The following DNAH2 variants were observed in gnomAD, a reference collection of about 807,000 sequenced individuals.
DNAH2 encodes the protein axonemal beta dynein heavy chain 2.
In DNAH2, 323 loss-of-function variants were observed where a neutral mutation model predicts 523.5. The ratio of observed to expected loss-of-function variants is 0.62; its 90% CI spans 0.56 to 0.68. The LOEUF (loss-of-function observed/expected upper bound fraction) is 0.68. DNAH2 is among the 30% of genes least tolerant of loss of function. DNAH2 has a pLI of 0.00. For synonymous variants in DNAH2, 2,093 were observed against 2,177.4 expected, an observed-to-expected ratio of 0.96 and a Z score of 1.08; for missense variants, 4,907 against 5,701.5, an observed-to-expected ratio of 0.86 and a Z score of 4.49.
intron 63 of DNAH2, among the ~76,000 whole-genome samples, chr17:7,815,063 G>C (rs1180508495): frequency 6.6e-6 from 1 of 152,218 alleles, no homozygotes; most frequent in Non-Finnish European, 1.5e-5. Flanking sequence ...TGATCTGCCT[G>C]CCTTGGCTTC....
chr17:7,726,358 C>T (rs1260534088), intron 3 of DNAH2, among the ~76,000 whole-genome samples: 1 of 150,150 alleles, frequency 6.7e-6, no homozygotes, highest in African/African-American at 2.5e-5. Context: ...GGCTGGAGTG[C>T]AGGGGTGTGA....
At chr17:7,742,245 C>G (rs2075374831) in intron 11 of DNAH2, among the ~76,000 whole-genome samples, 1 of 152,020 alleles carries the variant, frequency 6.6e-6, no homozygotes, top group Non-Finnish European at 1.5e-5. Context: ...GTTTGGCCAA[C>G]ATGGTGAGAC....
At chr17:7,791,232 G>C (rs9905069) in intron 44 of DNAH2, among the ~76,000 whole-genome samples, 7,217 of 151,788 alleles carry the variant, frequency 0.048, 184 homozygotes, top group Non-Finnish European at 0.056. Flanking sequence ...CACCACACCC[G>C]GCTAATTTTT....
Position 7,760,703 on chromosome 17 carries a change from G to A in DNAH2, c.2786-37G>A, listed in dbSNP as rs1348644006. 2 of 1,588,110 alleles carry A rather than the reference G, an allele frequency of 1.3e-6. No homozygotes were observed. Among genetic ancestry groups the A allele is most frequent in the South Asian group, 1.2e-5 (1 of 86,920 alleles). On this transcript the variant is annotated intron_variant, in intron 17 of 85. Coordinates refer to ENST00000572933, the MANE Select transcript of DNAH2 (RefSeq NM_020877.5). This position sits in a 1 kb window ranked among gnomAD's most constrained non-coding sequence, Gnocchi z 4.0. ...CTCAGGCAGAAGTTGGGTTGGGGTG[G>A]AAGTCAGTGAGAAGCATCTTTCTTG...
At chr17:7,824,365 C>T in intron 76 of DNAH2, 61 bp downstream of exon 76, 2 of 1,482,450 alleles carry the variant, frequency 1.3e-6, no homozygotes, top group Admixed American at 4.9e-5. Context: ...CTAGAACCTC[C>T]AACCTCAATT....
At chr17:7,822,451 C>G (rs1004819065) in intron 73 of DNAH2, among the ~76,000 whole-genome samples, 1 of 152,148 alleles carries the variant, frequency 6.6e-6, no homozygotes, top group Non-Finnish European at 1.5e-5. Context: ...GCCTACTCCC[C>G]GGCGTGTGCA....
rs2077236611 is a variant in DNAH2, at chr17:7,801,982, C to A, written c.8937C>A (p.Pro2979=). 1 of 1,614,112 alleles carries A rather than the reference C, an allele frequency of 6.2e-7. No homozygotes were observed. The highest frequency in any genetic ancestry group is 1.3e-5 in the African/African-American group (1 of 74,940). Reference sequence around the variant, plus strand: ...TGCGGAGACACAACTATGTCACACCCACCAAATACCTGGAACTCCTGTCTG... The same window carrying A: ...TGCGGAGACACAACTATGTCACACCAACCAAATACCTGGAACTCCTGTCTG... ...LELRRHNYVT[P]TKYLELLSGY... is the part of the protein sequence containing the mutation. Residue 2979 remains proline (P), a synonymous_variant, in exon 58 of 86, where the codon CCC becomes CCA. Transcript: ENST00000572933.
Position 7,798,470 on chromosome 17 carries a change from C to T in DNAH2, c.8399-88C>T, listed in dbSNP as rs1248421370. The T allele has an allele frequency of 1.1e-5, 17 of 1,561,916 alleles. No individual in the cohort carries two copies. Among genetic ancestry groups the T allele is most frequent in the South Asian group, 3.6e-5 (3 of 83,702 alleles). On this transcript the variant is annotated intron_variant, in intron 54 of 85. Coordinates refer to ENST00000572933, the MANE Select transcript of DNAH2 (RefSeq NM_020877.5). The surrounding 1 kb of genome is among the most constrained non-coding windows in gnomAD (Gnocchi z 5.5). ...ATGGTGTCGCGTGTATGCTGCGGGG[C>T]GGGGAGGGTTCCTAAATCTCAGAAA...
Position 7,754,986 on chromosome 17 carries a change from A to G in DNAH2, c.1905-2105A>G. The G allele has an allele frequency of 2.4e-6, 1 of 411,096 alleles. No homozygotes were observed. The highest frequency in any genetic ancestry group is 4.3e-6 in the Non-Finnish European group (1 of 232,068). 25.5% of individuals were successfully genotyped at this position (411,096 alleles called of 1,614,324 possible). ...AGGCAGAAAAAAAAAAAAAAAGAATAGGCAGCCCAGGAAGAAGGGTTAGCC... is the reference window on the plus strand; with the variant it reads ...AGGCAGAAAAAAAAAAAAAAAGAATGGGCAGCCCAGGAAGAAGGGTTAGCC... On this transcript the variant is annotated intron_variant, in intron 12 of 85. Coordinates refer to ENST00000572933, the MANE Select transcript of DNAH2 (RefSeq NM_020877.5). This position sits in a 1 kb window ranked among gnomAD's most constrained non-coding sequence, Gnocchi z 4.6.
rs755317955 is a variant in DNAH2 at position 7,776,776 on chromosome 17, C to T, written c.4948-3C>T. On this transcript the variant is annotated splice_region_variant and splice_polypyrimidine_tract_variant and intron_variant, in intron 31 of 85. Coordinates refer to ENST00000572933, the MANE Select transcript of DNAH2 (RefSeq NM_020877.5). ...TTGGGACGTGGCTTCTGCACATCCC[C>T]AGGTGGTGATCACTGCCAGTCAGAT... is the stretch of plus-strand genomic sequence containing the variant. The T allele has an allele frequency of 6.2e-7, 1 of 1,611,182 alleles. No individual in the cohort carries two copies. The highest frequency in any genetic ancestry group is 8.5e-7 in the Non-Finnish European group (1 of 1,178,070).
In DNAH2 at chr17:7,745,305, A is replaced by G. The variant is rs567983625; in HGVS notation, c.1904+2163A>G. On this transcript the variant is annotated intron_variant, in intron 12 of 85. Transcript: ENST00000572933. ...CCACTGTGTCTGGCCAAGTATTTAC[A>G]TTTCAAATATGAGAGAAAACAAAAG... Among the ~76,000 whole-genome samples, 4 of 152,234 alleles carry G rather than the reference A, an allele frequency of 2.6e-5. No individual in the cohort carries two copies. The East Asian group carries it at 5.8e-4, about 22-fold the overall frequency.
At chr17:7,778,002 C>G in intron 33 of DNAH2, 75 bp from the exon 34 acceptor site, 1 of 1,345,588 alleles carries the variant, frequency 7.4e-7, no homozygotes. Flanking sequence ...CTCTGAGCCC[C>G]ACTCTCAGTC....
At position 7,807,309 on chromosome 17, in the gene DNAH2, G is replaced by C. The variant is rs752557370; in HGVS notation, c.9602G>C (p.Arg3201Pro). 8.1e-6 allele frequency: 13 copies of C among 1,612,912 alleles called. No individual in the cohort carries two copies. The highest frequency in any genetic ancestry group is 1.1e-5 in the Non-Finnish European group (13 of 1,179,846). Residue 3201 changes from arginine (R) to proline (P), a missense_variant, in exon 62 of 86, where the codon CGG (arginine) becomes CCG (proline). By Grantham distance (103) the Arg-to-Pro change is moderately radical. Coordinates refer to ENST00000572933, the MANE Select transcript of DNAH2 (RefSeq NM_020877.5). This position sits in a 1 kb window ranked among gnomAD's most constrained non-coding sequence, Gnocchi z 5.6. ...GCCAAGTCCCTCTGCATGTGGGTGC[G>C]GGCCATGGAGGTAAAGGCGTCAGGG... Reference protein sequence around the residue: ...LAAKSLCMWVRAMELYGRLYR... With the variant: ...LAAKSLCMWVPAMELYGRLYR...
chr17:7,810,738 C>T (rs944840182), intron 63 of DNAH2, among the ~76,000 whole-genome samples: 2 of 152,162 alleles, frequency 1.3e-5, no homozygotes, highest in Non-Finnish European at 2.9e-5. Context: ...GTGCCCTGGG[C>T]CCTGCCAGGC....
chr17:7,756,414 T>C (rs1178082740), intron 12 of DNAH2, among the ~76,000 whole-genome samples: 1 of 151,782 alleles, frequency 6.6e-6, no homozygotes, highest in Non-Finnish European at 1.5e-5. Flanking sequence ...TAGCTGGGAC[T>C]ATAGGCTCAC....
At chr17:7,794,472 A>G (rs2077009574) in intron 49 of DNAH2, 114 bp downstream of exon 49, 3 of 884,106 alleles carry the variant, frequency 3.4e-6, no homozygotes, top group South Asian at 1.8e-5. Flanking sequence ...GTGGAGCTCC[A>G]CGCAGGACGC....
At chr17:7,794,229 T>G in intron 48 of DNAH2, 25 bp from the exon 49 acceptor site, 1 of 1,572,960 alleles carries the variant, frequency 6.4e-7, no homozygotes, top group Non-Finnish European at 8.7e-7. Flanking sequence ...CCTGCCTGTC[T>G]GCCCTCCTTG....
intron 11 of DNAH2, 88 bp from the exon 12 acceptor site, chr17:7,742,840 A>C (rs1468631868): frequency 4.1e-4 from 348 of 841,334 alleles, no homozygotes; most frequent in Middle Eastern, 7.5e-4. Context: ...GTATGTGCGC[A>C]TGCGCGCATG....
chr17:7,757,101 A>G lies in DNAH2; in HGVS notation c.1915A>G (p.Ile639Val). Residue 639 changes from isoleucine (I) to valine (V), a missense_variant, in exon 13 of 86, where the codon ATT becomes GTT. By Grantham distance (29) the Ile-to-Val change is conservative. Coordinates refer to ENST00000572933, the MANE Select transcript of DNAH2 (RefSeq NM_020877.5). ...LDVNFDKSLLILFAEIDYWER... is the reference protein window; with the variant it reads ...LDVNFDKSLLVLFAEIDYWER... ...TGCTCTCTCTCAAAGGTCCCTTCTG[A>G]TTCTCTTTGCGGAAATTGACTACTG... 6.2e-6 allele frequency: 10 copies of G among 1,613,890 alleles called. No individual in the cohort carries two copies. Among genetic ancestry groups the G allele is most frequent in the Non-Finnish European group, 8.5e-6 (10 of 1,179,956 alleles).
Sources: allele counts gnomAD v4.1 joint callset (sites outside exome capture counted in the v4.1 genomes callset), GRCh38; gene constraint gnomAD v4.1.1; non-coding constraint Gnocchi (gnomAD v3.1); transcripts MANE v1.5; gene names NCBI Gene and HGNC (gene_info 2026-07-23, HGNC 2026-07-21).